The following PSME4 variants were observed in gnomAD, a reference collection of about 807,000 sequenced individuals.
PSME4 encodes proteasome activator complex subunit 4.
A neutral mutation model predicts 253.9 loss-of-function variants in PSME4; 89 were observed. The observed-to-expected ratio is 0.35, with a 90% confidence interval of 0.30 to 0.42. PSME4 has a LOEUF of 0.42. PSME4 is among the 10% of genes least tolerant of loss of function. PSME4 has a pLI of 1.00. For missense variants in PSME4, 2,014 were observed against 2,195.2 expected (o/e 0.92, Z 1.65); for synonymous variants, 851 against 759.2 (o/e 1.12, Z -1.99).
intron 41 of PSME4, among the ~76,000 whole-genome samples, chr2:53,884,150 T>C (rs1679527046): frequency 6.6e-6 from 1 of 152,228 alleles, no homozygotes; most frequent in Admixed American, 6.5e-5. Context: ...ATATCGTCAA[T>C]ATTAGTATAT....
At chr2:53,936,601 T>C (rs1220048818) in intron 6 of PSME4, among the ~76,000 whole-genome samples, 163 bp downstream of exon 6, 6 of 151,834 alleles carry the variant, frequency 4.0e-5, no homozygotes, top group Non-Finnish European at 7.4e-5. Flanking sequence ...TAATATAAAA[T>C]TGAAAAGAAA....
chr2:53,867,957 G>T (rs535211561), intron 44 of PSME4, among the ~76,000 whole-genome samples: 1 of 152,134 alleles, frequency 6.6e-6, no homozygotes, highest in African/African-American at 2.4e-5. Flanking sequence ...GTTCTGTAGT[G>T]GTGTAAGTGG....
intron 1 of PSME4, among the ~76,000 whole-genome samples, chr2:53,958,432 CAT>C (rs1318866414): frequency 6.6e-6 from 1 of 151,992 alleles, no homozygotes; most frequent in Non-Finnish European, 1.5e-5. Context: ...ATTTTTAACA[CAT>C]AGACATCATT....
At chr2:53,875,373 C>A in intron 42 of PSME4, among the ~76,000 whole-genome samples, 1 of 152,252 alleles carries the variant, frequency 6.6e-6, no homozygotes, top group East Asian at 1.9e-4. Context: ...CACTTTTTAT[C>A]CAAAGCACTT....
At chr2:53,968,821 A>G (rs1347271991) in intron 1 of PSME4, among the ~76,000 whole-genome samples, 4 of 152,238 alleles carry the variant, frequency 2.6e-5, no homozygotes, top group Non-Finnish European at 5.9e-5. Flanking sequence ...TAATAAGCCA[A>G]AACAATAACA....
intron 31 of PSME4, among the ~76,000 whole-genome samples, chr2:53,897,314 C>T (rs7608110): frequency 4.3e-4 from 65 of 152,132 alleles, no homozygotes; most frequent in African/African-American, 1.4e-3. Flanking sequence ...GGATTACAGG[C>T]GTGTGCCACC....
chr2:53,906,997 C>T, intron 24 of PSME4, 129 bp from the exon 25 acceptor site: 1 of 738,448 alleles, frequency 1.4e-6, no homozygotes, highest in Non-Finnish European at 2.2e-6. Flanking sequence ...GTGGTATTTC[C>T]TTTATTCTAA....
intron 42 of PSME4, among the ~76,000 whole-genome samples, chr2:53,875,292 AG>A (rs950841846): frequency 1.3e-5 from 2 of 152,222 alleles, no homozygotes; most frequent in African/African-American, 4.8e-5. Context: ...AGAAAAGACC[AG>A]GTAACAGAAG....
intron 1 of PSME4, among the ~76,000 whole-genome samples, chr2:53,964,131 G>T (rs867326853): frequency 6.6e-6 from 1 of 151,960 alleles, no homozygotes; most frequent in African/African-American, 2.4e-5. Flanking sequence ...CTAGTGAAAA[G>T]AAAACGACAA....
intron 1 of PSME4, among the ~76,000 whole-genome samples, chr2:53,951,444 A>C (rs1249169323): frequency 1.3e-5 from 2 of 152,204 alleles, no homozygotes; most frequent in Non-Finnish European, 2.9e-5. Context: ...AAATTCTTCA[A>C]AATTCTTGGT....
intron 27 of PSME4, among the ~76,000 whole-genome samples, 181 bp from the exon 28 acceptor site, chr2:53,901,740 A>T (rs192095694): frequency 6.6e-6 from 1 of 152,344 alleles, no homozygotes; most frequent in East Asian, 1.9e-4. Flanking sequence ...CTTGACATTT[A>T]GGTGATATCC....
chr2:53,966,317 C>T (rs907723039), intron 1 of PSME4, among the ~76,000 whole-genome samples: 3 of 152,028 alleles, frequency 2.0e-5, no homozygotes, highest in African/African-American at 7.3e-5. Context: ...AAACACTCCA[C>T]TACTTAATTT....
intron 38 of PSME4, 66 bp from the exon 39 acceptor site, chr2:53,888,055 AC>A (rs1679723541): frequency 1.4e-6 from 2 of 1,479,028 alleles, no homozygotes; most frequent in African/African-American, 2.9e-5. Flanking sequence ...GACAGTATGG[AC>A]AGACAATATC....
intron 28 of PSME4, 147 bp from the exon 29 acceptor site, chr2:53,900,164 T>C (rs1440284354): frequency 7.5e-6 from 6 of 801,552 alleles, no homozygotes; most frequent in African/African-American, 1.7e-5. Flanking sequence ...TATCTAATAA[T>C]GGGCAAATTT....
Position 53,898,312 on chromosome 2 carries a change from C to T in PSME4, c.3465G>A (p.Glu1155=), listed in dbSNP as rs113742132. Residue 1155 remains glutamate (E), a synonymous_variant, in exon 30 of 47, where the codon GAG becomes GAA. Transcript: ENST00000404125. ...NLVDTLLDGV[E]QRNLPWKFEH... The stretch of plus-strand genomic sequence containing the variant: ...TCTTTTGCACTTACAGGTTTCTTTG[C>T]TCCACACCATCTAGCAAGGTGTCTA... The T allele has an allele frequency of 2.0e-3, 3,285 of 1,607,224 alleles. 7 individuals carry two copies. The highest frequency in any genetic ancestry group is 3.1e-3 in the Admixed American group (184 of 59,162).
At chr2:53,969,418 T>C (rs923620522) in intron 1 of PSME4, among the ~76,000 whole-genome samples, 5 of 152,142 alleles carry the variant, frequency 3.3e-5, no homozygotes, top group Admixed American at 6.6e-5. Flanking sequence ...ATGAGAATCA[T>C]CCAGTGAATA....
chr2:53,879,847 A>C (rs981144352), intron 41 of PSME4, among the ~76,000 whole-genome samples: 7 of 151,918 alleles, frequency 4.6e-5, no homozygotes, highest in African/African-American at 1.7e-4. Flanking sequence ...TTGAACATTA[A>C]TTATTGAACA....
intron 20 of PSME4, among the ~76,000 whole-genome samples, chr2:53,915,305 G>A (rs1375142734): frequency 1.3e-4 from 20 of 152,130 alleles, no homozygotes; most frequent in East Asian, 1.9e-4. Context: ...GCTGGGCATG[G>A]TGACCCACGC....
rs1023062946 is a variant in PSME4, at chr2:53,899,750, G to A, written c.3422+131C>T. On this transcript the variant is annotated intron_variant, in intron 29 of 46. Transcript: ENST00000404125. ...TGAGAAGAGCTTAAACCCAGGAGGTGAAGGTTGCAGTGAGCCATGATCGTC... is the reference window on the plus strand; with the variant it reads ...TGAGAAGAGCTTAAACCCAGGAGGTAAAGGTTGCAGTGAGCCATGATCGTC... 49 of 1,095,442 alleles carry A rather than the reference G, an allele frequency of 4.5e-5. No homozygotes were observed. In the African/African-American group the frequency reaches 6.5e-4, roughly 15 times the overall value. The allele number at this position is 1,095,442 out of a possible 1,614,324, so 67.9% of individuals were successfully genotyped here. A position where few individuals can be genotyped will look rare whatever the true frequency, so the allele number is the denominator to read the frequency against.
Sources: gnomAD v4.1 joint callset for allele counts (sites outside exome capture counted in the v4.1 genomes callset) on GRCh38, gnomAD v4.1.1 for gene constraint, MANE v1.5 for transcripts, NCBI Gene and HGNC (gene_info 2026-07-23, HGNC 2026-07-21) for gene names.